Variants in PTPDC1 observed in about 807,000 individuals in gnomAD.
The protein encoded by PTPDC1 is protein tyrosine phosphatase domain containing 1.
PTPDC1 carries 53 observed loss-of-function variants against 75.3 expected under a neutral mutation model. The observed-to-expected ratio is 0.70, with a 90% confidence interval of 0.56 to 0.88. PTPDC1 has a LOEUF of 0.88. PTPDC1 is among the 40% of genes least tolerant of loss of function. The pLI, the probability that PTPDC1 is intolerant of heterozygous loss-of-function variation, is 0.00. For synonymous variants in PTPDC1, 349 were observed against 366.2 expected (o/e 0.95, Z 0.54); for missense variants, 925 against 998.6 (o/e 0.93, Z 0.99).
At chr9:94,085,657 GAA>G (rs928102277) in intron 2 of PTPDC1, among the ~76,000 whole-genome samples, 11 of 152,286 alleles carry the variant, frequency 7.2e-5, no homozygotes, top group Admixed American at 5.9e-4. Flanking sequence ...TTAATTAAGT[GAA>G]ATGATATATA....
intron 2 of PTPDC1, among the ~76,000 whole-genome samples, chr9:94,067,969 C>G (rs1306694084): frequency 6.6e-6 from 1 of 152,102 alleles, no homozygotes; most frequent in Non-Finnish European, 1.5e-5. Context: ...TTGGAGAAAA[C>G]AGGTTTTTTT....
chr9:94,081,670 G>T (rs1276390260), upstream of PTPDC1, among the ~76,000 whole-genome samples: 1 of 152,234 alleles, frequency 6.6e-6, no homozygotes, highest in African/African-American at 2.4e-5. Flanking sequence ...AGTGGAGGCA[G>T]AGGCCAGAGC....
intron 1 of PTPDC1, among the ~76,000 whole-genome samples, chr9:94,050,211 G>C (rs886214772): frequency 6.6e-6 from 1 of 152,086 alleles, no homozygotes; most frequent in African/African-American, 2.4e-5. Flanking sequence ...TCTTCTCTCA[G>C]CTCATCAAAG....
chr9:94,063,418 AC>A (rs1826204582), intron 1 of PTPDC1, among the ~76,000 whole-genome samples: 1 of 152,200 alleles, frequency 6.6e-6, no homozygotes, highest in South Asian at 2.1e-4. Flanking sequence ...TAGTCCCTTT[AC>A]TTAATGTCTT....
At chr9:94,087,954 GTT>G in intron 3 of PTPDC1, 43 bp downstream of exon 3, 1 of 1,558,764 alleles carries the variant, frequency 6.4e-7, no homozygotes. Context: ...AAACTCATGT[GTT>G]TTTTTCTTTC....
At chr9:94,061,584 G>A (rs757715574) in intron 1 of PTPDC1, among the ~76,000 whole-genome samples, 1 of 152,242 alleles carries the variant, frequency 6.6e-6, no homozygotes. Context: ...TGAAATCTAG[G>A]TGGAGGTTCC....
At chr9:94,091,970 C>T (rs1000807576) in intron 4 of PTPDC1, among the ~76,000 whole-genome samples, 4 of 150,100 alleles carry the variant, frequency 2.7e-5, no homozygotes, top group African/African-American at 9.9e-5. Flanking sequence ...TGATTCTTCT[C>T]TCTTTTTTTC....
chr9:94,102,940 T>C (rs1827893408), intron 7 of PTPDC1, among the ~76,000 whole-genome samples: 1 of 152,108 alleles, frequency 6.6e-6, no homozygotes, highest in Non-Finnish European at 1.5e-5. Flanking sequence ...CTATGCTCCA[T>C]GTAAACATCT....
intron 1 of PTPDC1, among the ~76,000 whole-genome samples, chr9:94,062,405 A>G (rs1357763019): frequency 1.3e-5 from 2 of 151,866 alleles, no homozygotes; most frequent in African/African-American, 4.8e-5. Context: ...CACTCTTCCA[A>G]CCTCTGCCCA....
intron 6 of PTPDC1, chr9:94,100,527 A>C (rs541494172): frequency 1.2e-4 from 18 of 152,208 alleles, no homozygotes; most frequent in African/African-American, 3.9e-4. Flanking sequence ...AACAGCACAG[A>C]CTCTGGAGTA....
In PTPDC1 at chr9:94,088,166, C is replaced by G; in HGVS notation, c.519C>G (p.Ile173Met). ...QFLSHGIKTI[I>M]NLQRPGEHAS... ...TAAGCCATGGCATAAAAACAATAAT[C>G]AACCTCCAGCGCCCTGGTGAGCATG... Residue 173 changes from isoleucine (I) to methionine (M), a missense_variant, in exon 4 of 9, where the codon ATC (isoleucine) becomes ATG (methionine). Coordinates refer to ENST00000620992, the MANE Select transcript of PTPDC1 (RefSeq NM_001253829.2). 6.2e-7 allele frequency: 1 copy of G among 1,613,590 alleles called. No individual in the cohort carries two copies.
At chr9:94,077,481 G>C (rs1826733898) in intron 2 of PTPDC1, among the ~76,000 whole-genome samples, 1 of 152,102 alleles carries the variant, frequency 6.6e-6, no homozygotes, top group Non-Finnish European at 1.5e-5. Context: ...CCTCTCTTTG[G>C]ATTTCATTAA....
chr9:94,047,840 C>T lies in PTPDC1; in HGVS notation c.-7+16713C>T, dbSNP rs1825660981. Among the ~76,000 whole-genome samples the T allele has an allele frequency of 2.0e-5, 3 of 152,202 alleles. No homozygotes were observed. The South Asian group carries it at 6.2e-4, about 32-fold the overall frequency. ...TAGAAGAAATGGATAAATTCCTCAA[C>T]ACATACATCCTCCCAAGACTAAACC... On this transcript the variant is annotated intron_variant, in intron 1 of 9. Transcript: ENST00000375360.
chr9:94,060,834 A>G (rs1404377496), intron 1 of PTPDC1, among the ~76,000 whole-genome samples: 1 of 152,118 alleles, frequency 6.6e-6, no homozygotes, highest in Non-Finnish European at 1.5e-5. Context: ...ACCAAGCCCC[A>G]CCTTCAACAT....
upstream of PTPDC1, among the ~76,000 whole-genome samples, chr9:94,081,628 C>T (rs1020866477): frequency 3.9e-5 from 6 of 152,174 alleles, no homozygotes; most frequent in African/African-American, 1.2e-4. Context: ...AACAGATCAT[C>T]GGAGGCCTTA....
chr9:94,105,954 C>A (rs1828009763), intron 8 of PTPDC1, among the ~76,000 whole-genome samples: 1 of 150,426 alleles, frequency 6.6e-6, no homozygotes, highest in African/African-American at 2.5e-5. Context: ...GCCTGGGCGA[C>A]AGAGCAAGAC....
chr9:94,070,874 C>T (rs907217799), intron 2 of PTPDC1, among the ~76,000 whole-genome samples: 4 of 152,092 alleles, frequency 2.6e-5, no homozygotes, highest in Non-Finnish European at 4.4e-5. Flanking sequence ...AGTAGTATTC[C>T]GTGGTATGGA....
chr9:94,054,573 T>A (rs994846842), intron 1 of PTPDC1, among the ~76,000 whole-genome samples: 56 of 152,160 alleles, frequency 3.7e-4, no homozygotes, highest in African/African-American at 1.3e-3. Flanking sequence ...TTCCTGATAT[T>A]TGTCTGAGAT....
intron 1 of PTPDC1, among the ~76,000 whole-genome samples, chr9:94,046,597 C>T (rs1377064664): frequency 6.6e-6 from 1 of 152,178 alleles, no homozygotes; most frequent in African/African-American, 2.4e-5. Flanking sequence ...ATTTTATTCT[C>T]TTTGAAGCAG....
Sources: gnomAD v4.1 joint callset for allele counts (sites outside exome capture counted in the v4.1 genomes callset) on GRCh38, gnomAD v4.1.1 for gene constraint, MANE v1.5 for transcripts, NCBI Gene and HGNC (gene_info 2026-07-23, HGNC 2026-07-21) for gene names.